GOLGA4: variants seen among roughly 807,000 people sequenced by gnomAD.
GOLGA4 encodes the protein golgin subfamily A member 4.
GOLGA4 carries 169 observed loss-of-function variants against 265.9 expected under a neutral mutation model. The ratio of observed to expected loss-of-function variants is 0.64; its 90% CI spans 0.56 to 0.72. GOLGA4 has a LOEUF of 0.72. Among genes scored for constraint, GOLGA4 ranks in the 30% least tolerant of loss-of-function variants. GOLGA4 has a pLI of 0.00. For missense variants in GOLGA4, 2,482 were observed against 2,483.4 expected (o/e 1.00, Z 0.01); for synonymous variants, 923 against 855.8 (o/e 1.08, Z -1.37).
chr3:37,275,674 G>T (rs1456891375), intron 2 of GOLGA4: 5 of 1,611,826 alleles, frequency 3.1e-6, no homozygotes, highest in Non-Finnish European at 4.2e-6. Context: ...GGTGGGCGCG[G>T]AGAAGACCTG....
At chr3:37,291,137 G>A (rs995956959) in intron 5 of GOLGA4, among the ~76,000 whole-genome samples, 1 of 152,028 alleles carries the variant, frequency 6.6e-6, no homozygotes, top group African/African-American at 2.4e-5. Context: ...CACATTAGAG[G>A]TTAGGCATCA....
chr3:37,244,737 A>C (rs1286048479), intron 1 of GOLGA4, among the ~76,000 whole-genome samples: 2 of 152,260 alleles, frequency 1.3e-5, no homozygotes, highest in African/African-American at 2.4e-5. Context: ...ATGTGTAGTA[A>C]AACAGTGCTT....
At chr3:37,303,362 C>T (rs1364817485) in intron 10 of GOLGA4, among the ~76,000 whole-genome samples, 2 of 152,100 alleles carry the variant, frequency 1.3e-5, no homozygotes, top group Non-Finnish European at 2.9e-5. Flanking sequence ...GATGGTGGTT[C>T]TGGGAAGGAG....
Position 37,310,703 on chromosome 3 carries a change from T to C in GOLGA4, c.1235-4717T>C, listed in dbSNP as rs746271134. 3.4e-4 allele frequency among the ~76,000 whole-genome samples: 51 copies of C among 152,076 alleles called. 1 individual carries two copies. Among genetic ancestry groups the C allele is most frequent in the Admixed American group, 2.0e-3 (31 of 15,278 alleles). On this transcript the variant is annotated intron_variant, in intron 10 of 23. Transcript: ENST00000361924. Reference sequence around the variant, plus strand: ...ACTTACAGTTCATTAAAGATTGACCTAAAAGTATTTTTAAAGTGTGTGTGT... The same window carrying C: ...ACTTACAGTTCATTAAAGATTGACCCAAAAGTATTTTTAAAGTGTGTGTGT...
At chr3:37,295,791 A>C (rs2096876618) in intron 6 of GOLGA4, among the ~76,000 whole-genome samples, 1 of 152,236 alleles carries the variant, frequency 6.6e-6, no homozygotes, top group African/African-American at 2.4e-5. Context: ...TGTAGTGAAC[A>C]TGTAGACTTT....
At chr3:37,306,076 G>T (rs571381176) in intron 10 of GOLGA4, among the ~76,000 whole-genome samples, 2 of 152,116 alleles carry the variant, frequency 1.3e-5, no homozygotes, top group Admixed American at 6.5e-5. Flanking sequence ...GGCATAAAAA[G>T]AATAATTCTG....
intron 10 of GOLGA4, among the ~76,000 whole-genome samples, chr3:37,314,332 T>A (rs1379549149): frequency 1.3e-5 from 2 of 152,146 alleles, no homozygotes; most frequent in African/African-American, 4.8e-5. Context: ...TTGATAATGT[T>A]GAGCTGTTTG....
At chr3:37,308,282 A>T (rs924648824) in intron 10 of GOLGA4, among the ~76,000 whole-genome samples, 16 of 151,484 alleles carry the variant, frequency 1.1e-4, no homozygotes, top group African/African-American at 3.9e-4. Context: ...ATAAATTGGT[A>T]AATTTTTTGA....
At chr3:37,330,324 C>G (rs1039509478) in intron 16 of GOLGA4, among the ~76,000 whole-genome samples, 2 of 152,112 alleles carry the variant, frequency 1.3e-5, no homozygotes, top group African/African-American at 2.4e-5. Context: ...TAAAAAAAGA[C>G]TTCTTCCTAA....
intron 18 of GOLGA4, among the ~76,000 whole-genome samples, chr3:37,337,402 G>C (rs886896068): frequency 2.0e-5 from 3 of 151,764 alleles, no homozygotes; most frequent in Admixed American, 2.0e-4. Flanking sequence ...GTAGAGATGG[G>C]GTTTTGCCAT....
At chr3:37,299,943 C>T (rs895322675) in intron 9 of GOLGA4, among the ~76,000 whole-genome samples, 13 of 150,984 alleles carry the variant, frequency 8.6e-5, no homozygotes, top group African/African-American at 1.5e-4. Context: ...CCCAGCTACT[C>T]GGGAGGCTGA....
At chr3:37,346,284 T>C (rs1245509110) in intron 20 of GOLGA4, among the ~76,000 whole-genome samples, 1 of 152,212 alleles carries the variant, frequency 6.6e-6, no homozygotes, top group Non-Finnish European at 1.5e-5. Flanking sequence ...AGGCTTCTTG[T>C]GCTGCTCTGT....
At chr3:37,319,739 T>G (rs1487418512) in intron 12 of GOLGA4, 1 of 152,226 alleles carries the variant, frequency 6.6e-6, no homozygotes, top group African/African-American at 2.4e-5. Flanking sequence ...TTAAAACATT[T>G]AAAAAATTTT....
Position 37,325,551 on chromosome 3 carries a change from A to G in GOLGA4, c.3665A>G (p.Lys1222Arg). The change falls in exon 14 of 24, where the codon AAG (lysine) becomes AGG (arginine). Residue 1222 changes from lysine to arginine, a missense_variant. Lys to Arg is a conservative substitution (Grantham distance 26). Coordinates refer to ENST00000361924, the MANE Select transcript of GOLGA4 (RefSeq NM_002078.5). ...ELAIQLDICC[K>R]KTEALLEAKT... is the part of the protein sequence containing the mutation. Reference sequence around the variant, plus strand: ...GCGATTCAGCTAGATATTTGCTGTAAGAAAACCGAAGCCTTATTAGAAGCT... The same window carrying G: ...GCGATTCAGCTAGATATTTGCTGTAGGAAAACCGAAGCCTTATTAGAAGCT... 1 of 1,613,752 alleles carries G rather than the reference A, an allele frequency of 6.2e-7. No individual in the cohort carries two copies.
At chr3:37,283,525 G>A (rs536937280) in intron 3 of GOLGA4, among the ~76,000 whole-genome samples, 2 of 152,156 alleles carry the variant, frequency 1.3e-5, no homozygotes, top group African/African-American at 4.8e-5. Flanking sequence ...TTTAATTTTT[G>A]TTGTTGTTTT....
rs765791803 is a variant in GOLGA4, at chr3:37,319,101, T to G, written c.1452T>G (p.Leu484=). The change falls in exon 12 of 24, where the codon CTT becomes CTG. Residue 484 remains leucine, a synonymous_variant. Coordinates refer to ENST00000361924, the MANE Select transcript of GOLGA4 (RefSeq NM_002078.5). Reference sequence around the variant, plus strand: ...AACAAATTGCTAAGCTACAGAAGCTTCATGAAAAGGAGCTGGCCAGAAAAG... The same window carrying G: ...AACAAATTGCTAAGCTACAGAAGCTGCATGAAAAGGAGCTGGCCAGAAAAG... ...SEEQIAKLQK[L]HEKELARKEQ... The G allele has an allele frequency of 6.2e-7, 1 of 1,609,166 alleles. No individual in the cohort carries two copies. The highest frequency in any genetic ancestry group is 8.5e-7 in the Non-Finnish European group (1 of 1,177,470).
chr3:37,342,605 T>G (rs1339720379), intron 20 of GOLGA4, among the ~76,000 whole-genome samples: 1 of 152,224 alleles, frequency 6.6e-6, no homozygotes, highest in Non-Finnish European at 1.5e-5. Context: ...CATTCTTGTA[T>G]GACCTGTTTC....
At chr3:37,285,643 G>A (rs975486169) in intron 3 of GOLGA4, among the ~76,000 whole-genome samples, 3 of 152,180 alleles carry the variant, frequency 2.0e-5, no homozygotes, top group Admixed American at 6.5e-5. Context: ...TTGGGGTGGG[G>A]CCCAAGAATT....
rs549464675 is a variant in GOLGA4 at position 37,329,062 on chromosome 3, G to C, written c.6161G>C (p.Arg2054Pro). 6.2e-7 allele frequency: 1 copy of C among 1,609,416 alleles called. No homozygotes were observed. The highest frequency in any genetic ancestry group is 8.5e-7 in the Non-Finnish European group (1 of 1,177,978). The change falls in exon 16 of 24, where the codon CGA (arginine) becomes CCA (proline). Residue 2054 changes from arginine to proline, a missense_variant. Transcript: ENST00000361924. ...KIAEKDDDLK[R>P]TAKRYEEILD... ...GCTGAGAAAGATGATGATCTAAAACGAACAGCCAAAAGATATGAAGAAATC... is the reference window on the plus strand; with the variant it reads ...GCTGAGAAAGATGATGATCTAAAACCAACAGCCAAAAGATATGAAGAAATC...
Sources: gnomAD v4.1 joint callset for allele counts (sites outside exome capture counted in the v4.1 genomes callset) on GRCh38, gnomAD v4.1.1 for gene constraint, MANE v1.5 for transcripts, NCBI Gene and HGNC (gene_info 2026-07-23, HGNC 2026-07-21) for gene names.